Variants in DYNC1I1 observed in about 807,000 individuals in gnomAD.
The protein encoded by DYNC1I1 is cytoplasmic dynein 1 intermediate chain 1.
A neutral mutation model predicts 86.6 loss-of-function variants in DYNC1I1; 43 were observed. That is an observed-to-expected ratio of 0.50 (90% CI 0.39 to 0.64). DYNC1I1 has a LOEUF of 0.64. Among genes scored for constraint, DYNC1I1 ranks in the 30% least tolerant of loss-of-function variants. DYNC1I1 has a pLI of 0.00. For synonymous variants in DYNC1I1, 262 were observed against 283.7 expected (o/e 0.92, Z 0.77); for missense variants, 604 against 788.8 (o/e 0.77, Z 2.81).
intron 13 of DYNC1I1, among the ~76,000 whole-genome samples, chr7:96,036,348 GAAC>G (rs1794926589): frequency 6.6e-6 from 1 of 152,112 alleles, no homozygotes; most frequent in African/African-American, 2.4e-5. Flanking sequence ...ATACATTAAA[GAAC>G]AAGACAGACC....
intron 14 of DYNC1I1, among the ~76,000 whole-genome samples, chr7:96,075,556 C>T (rs1376117127): frequency 6.6e-6 from 1 of 152,156 alleles, no homozygotes; most frequent in African/African-American, 2.4e-5. Flanking sequence ...TGAATTTGGC[C>T]TAGAGTTGGA....
At chr7:95,807,157 A>G (rs1441533613) in intron 2 of DYNC1I1, among the ~76,000 whole-genome samples, 6 of 152,052 alleles carry the variant, frequency 3.9e-5, no homozygotes, top group Admixed American at 3.9e-4. Flanking sequence ...CATTTTTAGG[A>G]TCTCTGCTGG....
intron 6 of DYNC1I1, among the ~76,000 whole-genome samples, chr7:95,916,656 A>G (rs984771721): frequency 1.3e-5 from 2 of 152,130 alleles, no homozygotes; most frequent in Admixed American, 1.3e-4. Context: ...GTGACCATTC[A>G]TTGTTTTTTT....
At chr7:96,090,936 C>T (rs955853848) in intron 16 of DYNC1I1, among the ~76,000 whole-genome samples, 21 of 152,184 alleles carry the variant, frequency 1.4e-4, no homozygotes, top group Admixed American at 1.3e-4. Context: ...ATGCTAGACT[C>T]TCCCGGGAGT....
At chr7:95,934,022 A>G (rs1035835937) in intron 6 of DYNC1I1, among the ~76,000 whole-genome samples, 1 of 152,130 alleles carries the variant, frequency 6.6e-6, no homozygotes, top group African/African-American at 2.4e-5. Context: ...AAAGTTTGCC[A>G]CTGATAATTG....
At chr7:96,084,437 C>CT (rs1562999521) in intron 16 of DYNC1I1, among the ~76,000 whole-genome samples, 8 of 118,972 alleles carry the variant, frequency 6.7e-5, no homozygotes, top group East Asian at 2.6e-4. Flanking sequence ...CTTTTTTTTT[C>CT]TTTTCTTTTT....
intron 5 of DYNC1I1, among the ~76,000 whole-genome samples, chr7:95,835,334 A>G (rs1359270896): frequency 1.3e-4 from 17 of 131,508 alleles, no homozygotes; most frequent in Non-Finnish European, 1.9e-4. Flanking sequence ...GTGGTCTGAG[A>G]GATAGTTTGT....
intron 6 of DYNC1I1, among the ~76,000 whole-genome samples, chr7:95,900,586 C>T (rs1421739959): frequency 6.6e-6 from 1 of 152,040 alleles, no homozygotes; most frequent in African/African-American, 2.4e-5. Flanking sequence ...AAAATGGTTG[C>T]CCCATGGAAG....
intron 14 of DYNC1I1, among the ~76,000 whole-genome samples, chr7:96,070,888 T>C (rs1790140135): frequency 6.6e-6 from 1 of 152,208 alleles, no homozygotes; most frequent in Admixed American, 6.5e-5. Context: ...GAAACTCACC[T>C]CTTGTGAAAT....
At chr7:96,103,776 C>T (rs906609041) in intron 16 of DYNC1I1, among the ~76,000 whole-genome samples, 2 of 152,128 alleles carry the variant, frequency 1.3e-5, no homozygotes, top group East Asian at 1.9e-4. Flanking sequence ...CCATGCCTGG[C>T]TAATTATTTG....
chr7:95,870,885 G>GTTA (rs1224507145), intron 6 of DYNC1I1, among the ~76,000 whole-genome samples: 1 of 98,586 alleles, frequency 1.0e-5, no homozygotes, highest in Non-Finnish European at 1.9e-5. Context: ...GGCTAACGTT[G>GTTA]TTATAGCAAA....
Position 96,098,105 on chromosome 7 carries a change from A to G in DYNC1I1, c.*512A>G, listed in dbSNP as rs900328640. ...TATTTATTGTAGTGTGCTGCATGGAACGTATTTATTTGAAAGCATTAAAAT... is the reference window on the plus strand; with the variant it reads ...TATTTATTGTAGTGTGCTGCATGGAGCGTATTTATTTGAAAGCATTAAAAT... On this transcript the variant is annotated 3_prime_UTR_variant, in exon 17 of 17. Transcript: ENST00000447467. The G allele has an allele frequency of 1.2e-5, 12 of 986,374 alleles. No homozygotes were observed. The Admixed American group carries it at 3.7e-4, about 30-fold the overall frequency. The allele number at this position is 986,374 out of a possible 1,614,324, so 61.1% of individuals were successfully genotyped here. A position where few individuals can be genotyped will look rare whatever the true frequency, so the allele number is the denominator to read the frequency against.
At chr7:95,934,297 G>A (rs1791981881) in intron 6 of DYNC1I1, among the ~76,000 whole-genome samples, 1 of 152,002 alleles carries the variant, frequency 6.6e-6, no homozygotes, top group Non-Finnish European at 1.5e-5. Flanking sequence ...AGGTACTAGG[G>A]GTCACATGTT....
At chr7:96,094,600 A>C (rs115388419) in intron 16 of DYNC1I1, among the ~76,000 whole-genome samples, 1 of 152,176 alleles carries the variant, frequency 6.6e-6, no homozygotes, top group African/African-American at 2.4e-5. Context: ...AAAAATTATT[A>C]CTTTGGGTGT....
At chr7:96,069,966 G>T (rs1425481183) in intron 14 of DYNC1I1, among the ~76,000 whole-genome samples, 9 of 152,004 alleles carry the variant, frequency 5.9e-5, no homozygotes, top group Non-Finnish European at 1.3e-4. Context: ...CCTAATTTTG[G>T]TTTATGCACA....
intron 10 of DYNC1I1, among the ~76,000 whole-genome samples, chr7:96,007,399 G>A (rs1355649633): frequency 2.0e-5 from 3 of 152,160 alleles, no homozygotes; most frequent in East Asian, 3.9e-4. Context: ...TATATTACAT[G>A]ACTGTTCTCC....
At chr7:96,049,648 G>C (rs530851658) in intron 14 of DYNC1I1, among the ~76,000 whole-genome samples, 1 of 152,034 alleles carries the variant, frequency 6.6e-6, no homozygotes. Context: ...CCTCCAAATC[G>C]TAGAAAGAAT....
chr7:96,099,844 C>A (rs983142138), downstream of DYNC1I1, among the ~76,000 whole-genome samples: 2 of 152,120 alleles, frequency 1.3e-5, no homozygotes, highest in Non-Finnish European at 2.9e-5. Flanking sequence ...AGACATATAT[C>A]CTCCACCTAG....
intron 6 of DYNC1I1, among the ~76,000 whole-genome samples, chr7:95,927,882 T>C (rs953779753): frequency 2.0e-5 from 3 of 152,180 alleles, no homozygotes; most frequent in Admixed American, 1.3e-4. Flanking sequence ...TGGTTCACGC[T>C]AGTTATTTGT....
Sources: gnomAD v4.1 joint callset for allele counts (sites outside exome capture counted in the v4.1 genomes callset) on GRCh38, gnomAD v4.1.1 for gene constraint, MANE v1.5 for transcripts, NCBI Gene and HGNC (gene_info 2026-07-23, HGNC 2026-07-21) for gene names.